Variants in ZNF215 observed in about 807,000 individuals in gnomAD.
ZNF215 encodes the protein zinc finger protein 215.
In ZNF215, 24 loss-of-function variants were observed where a neutral mutation model predicts 27.2. The observed-to-expected ratio is 0.88, with a 90% CI of 0.64 to 1.24. The LOEUF (loss-of-function observed/expected upper bound fraction) is 1.24, where lower values mean the gene tolerates loss of function less well. Among genes scored for constraint, ZNF215 ranks in the 50% most tolerant of loss-of-function variants. The pLI is 0.00. For missense variants in ZNF215, 675 were observed against 605.7 expected, an observed-to-expected ratio of 1.11 and a Z score of -1.20; for synonymous variants, 210 against 204.0, an observed-to-expected ratio of 1.03 and a Z score of -0.25.
chr11:6,964,120 CCTT>C (rs1446905758), intron 5 of ZNF215, among the ~76,000 whole-genome samples: 3 of 151,778 alleles, frequency 2.0e-5, no homozygotes, highest in Non-Finnish European at 4.4e-5. Flanking sequence ...TGATGAAATG[CCTT>C]CTTAAATCTT....
intron 3 of ZNF215, among the ~76,000 whole-genome samples, chr11:6,934,552 C>T (rs1027326927): frequency 6.6e-6 from 1 of 152,128 alleles, no homozygotes; most frequent in African/African-American, 2.4e-5. Context: ...GTTCCCCTTC[C>T]CCTGTCTTCA....
intron 3 of ZNF215, among the ~76,000 whole-genome samples, chr11:6,937,597 T>C (rs1849483050): frequency 6.6e-6 from 1 of 151,364 alleles, no homozygotes; most frequent in Non-Finnish European, 1.5e-5. Context: ...AGAAGATAGT[T>C]TTAGAATGTA....
chr11:6,969,369 A>G lies in ZNF215; in HGVS notation c.805+13587A>G, dbSNP rs573337510. ...ACTCCTTGTGGAATTAAGAAAACTC[A>G]CATTTTTCCTGATTATCTTAATCTC... is the stretch of plus-strand genomic sequence containing the variant. On this transcript the variant is annotated intron_variant, in intron 5 of 5. Coordinates refer to the ZNF215 transcript ENST00000529903. Among the ~76,000 whole-genome samples the G allele has an allele frequency of 1.7e-3, 257 of 152,316 alleles. 2 individuals carry two copies. The highest frequency in any genetic ancestry group is 6.0e-3 in the African/African-American group (251 of 41,576).
At chr11:6,985,684 A>G (rs1851043511), downstream of ZNF215, among the ~76,000 whole-genome samples, 1 of 152,222 alleles carries the variant, frequency 6.6e-6, no homozygotes, top group East Asian at 1.9e-4. Context: ...CAATTTCAGG[A>G]AAGTTTCAGG....
intron 6 of ZNF215, among the ~76,000 whole-genome samples, chr11:6,954,335 C>A (rs1328965588): frequency 2.0e-5 from 3 of 152,234 alleles, no homozygotes; most frequent in Admixed American, 2.0e-4. Context: ...GCCCTGCCCC[C>A]AGAGGTGGAG....
intron 3 of ZNF215, among the ~76,000 whole-genome samples, chr11:6,937,090 C>T (rs1324493965): frequency 6.6e-6 from 1 of 151,252 alleles, no homozygotes; most frequent in Non-Finnish European, 1.5e-5. Flanking sequence ...TGCAATTAGG[C>T]AAGAAAAAAA....
At chr11:6,938,876 A>C (rs995659222) in intron 3 of ZNF215, among the ~76,000 whole-genome samples, 1 of 152,156 alleles carries the variant, frequency 6.6e-6, no homozygotes, top group African/African-American at 2.4e-5. Context: ...AAAATAGCTA[A>C]TATGGTGAAT....
chr11:6,977,352 CCTGA>C (rs147295329), intron 5 of ZNF215, among the ~76,000 whole-genome samples: 1,536 of 152,110 alleles, frequency 0.01, 28 homozygotes, highest in African/African-American at 0.035. Flanking sequence ...ATATACTCTA[CCTGA>C]CTGTTAGTCA....
intron 6 of ZNF215, among the ~76,000 whole-genome samples, chr11:6,951,538 T>G (rs959767528): frequency 3.9e-5 from 6 of 152,218 alleles, no homozygotes; most frequent in African/African-American, 1.4e-4. Flanking sequence ...TTTGTAGTAT[T>G]CTCTGATGGT....
chr11:6,950,670 A>G (rs369444752), intron 6 of ZNF215, among the ~76,000 whole-genome samples: 3 of 151,290 alleles, frequency 2.0e-5, no homozygotes, highest in African/African-American at 4.9e-5. Context: ...CAATCATGTC[A>G]TCTGCAAACA....
intron 6 of ZNF215, among the ~76,000 whole-genome samples, chr11:6,949,584 T>C (rs1849968437): frequency 6.6e-6 from 1 of 152,166 alleles, no homozygotes; most frequent in African/African-American, 2.4e-5. Flanking sequence ...GCGTTGTTTG[T>C]TTTTTTCTTG....
chr11:6,950,627 T>C (rs1438211366), intron 6 of ZNF215, among the ~76,000 whole-genome samples: 1 of 151,182 alleles, frequency 6.6e-6, no homozygotes, highest in African/African-American at 2.4e-5. Flanking sequence ...TTAAGGAGAT[T>C]TTGGGCTGAG....
At chr11:6,982,998 G>C (rs1222461178) in intron 5 of ZNF215, among the ~76,000 whole-genome samples, 1 of 149,542 alleles carries the variant, frequency 6.7e-6, no homozygotes, top group Non-Finnish European at 1.5e-5. Context: ...CAACAAAATT[G>C]ATAGACCACT....
At chr11:6,968,590 G>C (rs1251109470) in intron 5 of ZNF215, among the ~76,000 whole-genome samples, 2 of 151,780 alleles carry the variant, frequency 1.3e-5, no homozygotes, top group Non-Finnish European at 2.9e-5. Context: ...TTAAGCCTGG[G>C]CACAGTGGCT....
intron 6 of ZNF215, among the ~76,000 whole-genome samples, chr11:6,953,335 A>G (rs1028791489): frequency 1.3e-5 from 2 of 152,240 alleles, no homozygotes; most frequent in Admixed American, 6.5e-5. Context: ...AGTGTTTTCT[A>G]ACTTGGTTCC....
intron 5 of ZNF215, among the ~76,000 whole-genome samples, chr11:6,967,574 TC>T (rs1850647993): frequency 6.6e-6 from 1 of 152,250 alleles, no homozygotes; most frequent in Non-Finnish European, 1.5e-5. Context: ...GAGCTTTTTT[TC>T]ATATGCTTTT....
intron 5 of ZNF215, among the ~76,000 whole-genome samples, chr11:6,974,951 G>C (rs1167481129): frequency 6.6e-6 from 1 of 152,114 alleles, no homozygotes; most frequent in Non-Finnish European, 1.5e-5. Context: ...TGGTGAGAGA[G>C]GGCATCCCTG....
chr11:6,978,102 T>C (rs1850870648), intron 5 of ZNF215, among the ~76,000 whole-genome samples: 1 of 152,088 alleles, frequency 6.6e-6, no homozygotes, highest in Non-Finnish European at 1.5e-5. Flanking sequence ...AAAGTAATGT[T>C]ATCTCCCATT....
At chr11:6,979,165 C>T (rs374172643) in intron 5 of ZNF215, among the ~76,000 whole-genome samples, 2 of 152,008 alleles carry the variant, frequency 1.3e-5, no homozygotes, top group African/African-American at 2.4e-5. Context: ...TTGTCTCTCA[C>T]CCCCAGTCCA....
Sources: gnomAD v4.1 joint callset for allele counts (sites outside exome capture counted in the v4.1 genomes callset) on GRCh38, gnomAD v4.1.1 for gene constraint, MANE v1.5 for transcripts, NCBI Gene and HGNC (gene_info 2026-07-23, HGNC 2026-07-21) for gene names.